Variants in TLCD4 observed in about 807,000 individuals in gnomAD.
TLCD4 encodes the protein TLC domain containing 4, also known as TLC domain-containing protein 4.
TLCD4 carries 7 observed loss-of-function variants against 24.2 expected under a neutral mutation model. The ratio of observed to expected loss-of-function variants is 0.29; its 90% confidence interval spans 0.16 to 0.54. The LOEUF is 0.54. Among genes scored for constraint, TLCD4 ranks in the 20% least tolerant of loss-of-function variants. The pLI is 0.95. For synonymous variants in TLCD4, 103 were observed against 106.4 expected (o/e 0.97, Z 0.20); for missense variants, 259 against 313.9 (o/e 0.82, Z 1.32).
chr1:95,139,764 A>T (rs1184527720), intron 1 of TLCD4, among the ~76,000 whole-genome samples: 2 of 152,152 alleles, frequency 1.3e-5, no homozygotes, highest in Non-Finnish European at 2.9e-5. Flanking sequence ...CCAGCCTTTG[A>T]TTCTTTTTAA....
At chr1:95,127,427 C>T (rs1378976372) in intron 1 of TLCD4, among the ~76,000 whole-genome samples, 1 of 152,068 alleles carries the variant, frequency 6.6e-6, no homozygotes, top group Non-Finnish European at 1.5e-5. Flanking sequence ...TTCTGACTTC[C>T]TAGGTAGCTT....
intron 5 of TLCD4, among the ~76,000 whole-genome samples, chr1:95,162,018 T>C (rs1159755436): frequency 6.6e-6 from 1 of 152,194 alleles, no homozygotes; most frequent in Non-Finnish European, 1.5e-5. Context: ...CTATTAGGTC[T>C]GCTTGATGCA....
intron 1 of TLCD4, among the ~76,000 whole-genome samples, chr1:95,123,617 A>G (rs1210570591): frequency 1.3e-5 from 2 of 152,174 alleles, no homozygotes; most frequent in African/African-American, 4.8e-5. Flanking sequence ...TCACTCCTAA[A>G]CACACCTAGT....
intron 5 of TLCD4, among the ~76,000 whole-genome samples, chr1:95,162,035 A>C (rs528197499): frequency 2.5e-4 from 38 of 152,302 alleles, no homozygotes; most frequent in African/African-American, 9.1e-4. Context: ...TGCAGAGCTG[A>C]GTTCAATTCC....
chr1:95,110,043 A>T, the TLCD4 span, among the ~76,000 whole-genome samples: 2 of 147,482 alleles, frequency 1.4e-5, no homozygotes, highest in African/African-American at 5.0e-5. Context: ...TTTTTAGTTG[A>T]TATTTTGGGT....
chr1:95,183,844 C>T (rs1469980481), intron 6 of TLCD4, among the ~76,000 whole-genome samples: 1 of 150,858 alleles, frequency 6.6e-6, no homozygotes, highest in Admixed American at 6.6e-5. Context: ...CAAAAAACAA[C>T]AACATAAAAA....
rs1188989146 is a variant in TLCD4 at position 95,139,183 on chromosome 1, A to G, written c.-11-4708A>G. 4.1e-5 allele frequency among the ~76,000 whole-genome samples: 6 copies of G among 146,800 alleles called. No homozygotes were observed. In the East Asian group the frequency reaches 1.2e-3, roughly 29 times the overall value. ...GAGTGAGAACCTGTGTCAAAAAAAA[A>G]AAAAAAAAAAAAAAGATAAAAAATG... On this transcript the variant is annotated intron_variant, in intron 1 of 6. Coordinates refer to ENST00000370203, the MANE Select transcript of TLCD4 (RefSeq NM_152487.3).
At position 95,158,294 on chromosome 1, in the gene TLCD4, C is replaced by T. The variant is rs529163629; in HGVS notation, c.399+6875C>T. Among the ~76,000 whole-genome samples, 64 of 149,692 alleles carry T rather than the reference C, an allele frequency of 4.3e-4. No individual in the cohort carries two copies. The South Asian group carries it at 0.012, about 29-fold the overall frequency. On this transcript the variant is annotated intron_variant, in intron 5 of 6. Coordinates refer to ENST00000370203, the MANE Select transcript of TLCD4 (RefSeq NM_152487.3). ...CCTTGACCTCCCAGGGCCAAGCGATCTGCCTGCCTCAGCCTCCTGAGTAGC... is the reference window on the plus strand; with the variant it reads ...CCTTGACCTCCCAGGGCCAAGCGATTTGCCTGCCTCAGCCTCCTGAGTAGC...
At chr1:95,103,499 G>A in the TLCD4 span, among the ~76,000 whole-genome samples, 1 of 152,164 alleles carries the variant, frequency 6.6e-6, no homozygotes, top group African/African-American at 2.4e-5. Flanking sequence ...CTGAATTCTG[G>A]TTCAGAGAGA....
At chr1:95,092,829 C>T in the TLCD4 span, among the ~76,000 whole-genome samples, 1 of 152,262 alleles carries the variant, frequency 6.6e-6, no homozygotes, top group African/African-American at 2.4e-5. Flanking sequence ...ACTTCTGTCT[C>T]CTGGGTTCAA....
rs1227009249 is a variant in TLCD4 at position 95,194,310 on chromosome 1, A to G, written c.*2442A>G. On this transcript the variant is annotated 3_prime_UTR_variant, in exon 7 of 7. Transcript: ENST00000370203. ...TATTTCCTCATACAACAGACATGGA[A>G]TGGAAATGCCACTAGAAACTGCCCT... is the stretch of plus-strand genomic sequence containing the variant. 1 of 152,156 alleles carries G rather than the reference A, an allele frequency of 6.6e-6. No homozygotes were observed. Among genetic ancestry groups the G allele is most frequent in the Non-Finnish European group, 1.5e-5 (1 of 67,988 alleles). 9.4% of individuals were successfully genotyped at this position (152,156 alleles called of 1,614,324 possible).
At chr1:95,142,419 T>TG (rs1212812194) in intron 1 of TLCD4, among the ~76,000 whole-genome samples, 1 of 151,086 alleles carries the variant, frequency 6.6e-6, no homozygotes, top group Admixed American at 6.6e-5. Context: ...GTGTTAGCGG[T>TG]GGAGGGTGTT....
the TLCD4 span, among the ~76,000 whole-genome samples, chr1:95,102,698 AT>A: frequency 6.6e-6 from 1 of 152,170 alleles, no homozygotes; most frequent in East Asian, 1.9e-4. Context: ...GCTAAGATGG[AT>A]TTCAAGGTAG....
At chr1:95,174,904 T>G (rs976565598) in intron 6 of TLCD4, among the ~76,000 whole-genome samples, 3 of 152,108 alleles carry the variant, frequency 2.0e-5, no homozygotes, top group African/African-American at 7.2e-5. Context: ...GCCTCCCAAG[T>G]AGCAGGGATT....
chr1:95,183,844 C>A (rs1469980481), intron 6 of TLCD4, among the ~76,000 whole-genome samples: 3 of 150,858 alleles, frequency 2.0e-5, no homozygotes, highest in Non-Finnish European at 4.4e-5. Context: ...CAAAAAACAA[C>A]AACATAAAAA....
At chr1:95,155,033 T>C (rs775470725) in intron 5 of TLCD4, among the ~76,000 whole-genome samples, 4 of 151,854 alleles carry the variant, frequency 2.6e-5, no homozygotes, top group Non-Finnish European at 5.9e-5. Flanking sequence ...TGCAGTGCAG[T>C]GTAGTGTAGT....
At chr1:95,096,416 G>C in the TLCD4 span, among the ~76,000 whole-genome samples, 1 of 152,140 alleles carries the variant, frequency 6.6e-6, no homozygotes, top group Non-Finnish European at 1.5e-5. Flanking sequence ...GAAGTTATTT[G>C]CTGATCCCAG....
chr1:95,171,415 C>T (rs1678218509), intron 5 of TLCD4, among the ~76,000 whole-genome samples: 1 of 152,222 alleles, frequency 6.6e-6, no homozygotes, highest in African/African-American at 2.4e-5. Context: ...GGATCATCCA[C>T]TGATGCAACT....
intron 5 of TLCD4, among the ~76,000 whole-genome samples, chr1:95,172,332 G>A (rs1217212128): frequency 6.6e-6 from 1 of 152,102 alleles, no homozygotes; most frequent in Non-Finnish European, 1.5e-5. Context: ...TTAAATAAAA[G>A]CATTTAGTAT....
Sources: gnomAD v4.1 joint callset for allele counts (sites outside exome capture counted in the v4.1 genomes callset) on GRCh38, gnomAD v4.1.1 for gene constraint, MANE v1.5 for transcripts, NCBI Gene and HGNC (gene_info 2026-07-23, HGNC 2026-07-21) for gene names.